PDE4A: variants seen among roughly 807,000 people sequenced by gnomAD.
PDE4A encodes 3',5'-cyclic-AMP phosphodiesterase 4A.
A neutral mutation model predicts 73.9 loss-of-function variants in PDE4A; 21 were observed. The ratio of observed to expected loss-of-function variants is 0.28; its 90% CI spans 0.20 to 0.41. The LOEUF (loss-of-function observed/expected upper bound fraction) is 0.41, where lower values mean the gene tolerates loss of function less well. PDE4A is among the 10% of genes least tolerant of loss of function. The pLI, the probability that PDE4A is intolerant of heterozygous loss-of-function variation, is 1.00. For synonymous variants in PDE4A, 463 were observed against 505.4 expected, an observed-to-expected ratio of 0.92 and a Z score of 1.13; for missense variants, 958 against 1,211.4, an observed-to-expected ratio of 0.79 and a Z score of 3.10.
chr19:10,421,315 G>C, intron 1 of PDE4A: 1 of 985,444 alleles, frequency 1.0e-6, no homozygotes, highest in Non-Finnish European at 1.2e-6. Context: ...GCCACGCTGC[G>C]CGTGGTGTTA....
chr19:10,438,629 C>G (rs891852396), intron 1 of PDE4A, among the ~76,000 whole-genome samples: 1 of 151,932 alleles, frequency 6.6e-6, no homozygotes. Context: ...GTTTTTGAGA[C>G]AGAGTTTCAC....
intron 1 of PDE4A, among the ~76,000 whole-genome samples, chr19:10,423,718 A>AG (rs952881586): frequency 6.6e-6 from 1 of 152,128 alleles, no homozygotes; most frequent in Non-Finnish European, 1.5e-5. Context: ...TGGACTAAGG[A>AG]GGGGGGACCT....
chr19:10,454,613 T>C (rs2043143584), intron 6 of PDE4A: 1 of 273,262 alleles, frequency 3.7e-6, no homozygotes, highest in South Asian at 1.4e-4. Flanking sequence ...AGGGTTATGC[T>C]GACCATGACT....
chr19:10,442,819 TATA>T (rs1450414558), intron 1 of PDE4A, among the ~76,000 whole-genome samples: 1 of 148,704 alleles, frequency 6.7e-6, no homozygotes, highest in Non-Finnish European at 1.5e-5. Context: ...ATATTACATA[TATA>T]ATATCAGTAA....
chr19:10,432,547 G>C (rs1216852879), intron 1 of PDE4A: 3 of 1,523,874 alleles, frequency 2.0e-6, no homozygotes, highest in Non-Finnish European at 2.6e-6. Flanking sequence ...GACACCCGTC[G>C]GCACCCTCCG....
At chr19:10,430,837 CCGCGGCCATGGCGCGGCCG>C in intron 1 of PDE4A, 1 of 1,153,956 alleles carries the variant, frequency 8.7e-7, no homozygotes, top group Non-Finnish European at 1.1e-6. Context: ...CGGGGCCGCC[CCGCGGCCATGGCGCGGCCG>C]CGCGGCCTAG....
chr19:10,458,466 C>T lies in PDE4A; in HGVS notation c.1101+364C>T, dbSNP rs940766069. 1.3e-5 allele frequency among the ~76,000 whole-genome samples: 2 copies of T among 152,232 alleles called. No homozygotes were observed. Among genetic ancestry groups the T allele is most frequent in the South Asian group, 2.1e-4 (1 of 4,830 alleles). ...CCATAGTGTCCCCAACAGTCCAGAC[C>T]GGTGTTTCACTCCTAGCTCTTCCAG... On this transcript the variant is annotated intron_variant, in intron 8 of 14. Coordinates refer to ENST00000380702, the MANE Select transcript of PDE4A (RefSeq NM_001111307.2). The surrounding 1 kb of genome is among the most constrained non-coding windows in gnomAD (Gnocchi z 4.6).
chr19:10,446,958 G>C (rs1172797333), intron 2 of PDE4A, among the ~76,000 whole-genome samples: 1 of 148,338 alleles, frequency 6.7e-6, no homozygotes. Flanking sequence ...GAGTGCAGTG[G>C]TGCGATCGCG....
At chr19:10,446,126 G>A in intron 1 of PDE4A, 92 bp from the exon 2 acceptor site, 2 of 1,489,460 alleles carry the variant, frequency 1.3e-6, no homozygotes, top group Non-Finnish European at 1.8e-6. Flanking sequence ...GGCATTACAG[G>A]CGTGAGCCAC....
At chr19:10,447,958 C>T (rs2043034432) in intron 2 of PDE4A, among the ~76,000 whole-genome samples, 2 of 152,204 alleles carry the variant, frequency 1.3e-5, no homozygotes, top group South Asian at 4.2e-4. Context: ...CCCGCCCTTG[C>T]AACATATTCA....
At chr19:10,431,337 G>A (rs930230) in intron 1 of PDE4A, among the ~76,000 whole-genome samples, 15,875 of 152,270 alleles carry the variant, frequency 0.1, 1,007 homozygotes, top group South Asian at 0.21. Context: ...CTTTGGAGGA[G>A]TGAGGGCGAC....
At chr19:10,440,063 C>A (rs1428879943) in intron 1 of PDE4A, among the ~76,000 whole-genome samples, 1 of 145,026 alleles carries the variant, frequency 6.9e-6, no homozygotes. Flanking sequence ...TGGTTCACTG[C>A]AGCCTCTGCC....
In PDE4A at chr19:10,458,061, C is replaced by G; in HGVS notation, c.1060C>G (p.Arg354Gly). The G allele has an allele frequency of 6.2e-7, 1 of 1,613,818 alleles. No individual in the cohort carries two copies. The highest frequency in any genetic ancestry group is 8.5e-7 in the Non-Finnish European group (1 of 1,180,026). ...CAGCCTGAACAACTCTAACATTCCC[C>G]GATTTGGGGTGAAGACCGATCAAGA... is the stretch of plus-strand genomic sequence containing the variant. ...SNSLNNSNIP[R>G]FGVKTDQEEL... Residue 354 changes from arginine to glycine, a missense_variant, in exon 8 of 15, where the codon CGA (arginine) becomes GGA (glycine). Arg to Gly is a moderately radical substitution (Grantham distance 125). Coordinates refer to ENST00000380702, the MANE Select transcript of PDE4A (RefSeq NM_001111307.2). The surrounding 1 kb of genome is among the most constrained non-coding windows in gnomAD (Gnocchi z 4.6).
intron 1 of PDE4A, among the ~76,000 whole-genome samples, chr19:10,444,437 G>C (rs1181239063): frequency 1.3e-5 from 2 of 151,888 alleles, no homozygotes. Context: ...GGCGGAGGTT[G>C]CGGTGAGCTG....
chr19:10,450,713 G>GC, intron 5 of PDE4A, 61 bp downstream of exon 5: 6 of 1,589,022 alleles, frequency 3.8e-6, no homozygotes, highest in Non-Finnish European at 5.1e-6. Context: ...GGGTCCCTCA[G>GC]CCCCTTCCCC....
At chr19:10,435,705 C>T (rs2042857012) in intron 1 of PDE4A, among the ~76,000 whole-genome samples, 1 of 152,168 alleles carries the variant, frequency 6.6e-6, no homozygotes, top group Non-Finnish European at 1.5e-5. Context: ...CTGGCAGCTA[C>T]CCCTGTGTCT....
intron 14 of PDE4A, among the ~76,000 whole-genome samples, chr19:10,466,126 C>G (rs1026263726): frequency 6.6e-6 from 1 of 150,958 alleles, no homozygotes; most frequent in Non-Finnish European, 1.5e-5. Flanking sequence ...GCCTCAGCCT[C>G]CCGAGTAGCT....
chr19:10,445,400 G>A (rs1462661889), intron 1 of PDE4A, among the ~76,000 whole-genome samples: 1 of 152,194 alleles, frequency 6.6e-6, no homozygotes, highest in Non-Finnish European at 1.5e-5. Context: ...GGGGATGGAT[G>A]CACACCGGTG....
Position 10,467,483 on chromosome 19 carries a change from C to T in PDE4A, c.2523C>T (p.Ser841=). The change falls in exon 15 of 15, where the codon TCC becomes TCT. Residue 841 remains serine (S), a synonymous_variant. Coordinates refer to ENST00000380702, the MANE Select transcript of PDE4A (RefSeq NM_001111307.2). The stretch of plus-strand genomic sequence containing the variant: ...CCCCGGGCCTCCCGGGCCTCCCCTC[C>T]ACGGCGGCCGAGGTGGAGGCCCAAC... ...EHAPGLPGLP[S]TAAEVEAQRE... The T allele has an allele frequency of 6.2e-7, 1 of 1,613,088 alleles. No individual in the cohort carries two copies. The highest frequency in any genetic ancestry group is 1.1e-5 in the South Asian group (1 of 91,064).
Sources: allele counts gnomAD v4.1 joint callset (sites outside exome capture counted in the v4.1 genomes callset), GRCh38; gene constraint gnomAD v4.1.1; non-coding constraint Gnocchi (gnomAD v3.1); transcripts MANE v1.5; gene names NCBI Gene and HGNC (gene_info 2026-07-23, HGNC 2026-07-21).